Variants in MN1 observed in about 807,000 individuals in gnomAD.
The protein encoded by MN1 is transcriptional activator MN1.
In MN1, 19 loss-of-function variants were observed where a neutral mutation model predicts 86.9. That is an observed-to-expected ratio of 0.22 (90% confidence interval 0.15 to 0.32). The LOEUF (loss-of-function observed/expected upper bound fraction) is 0.32. Among genes scored for constraint, MN1 ranks in the 10% least tolerant of loss-of-function variants. MN1 has a pLI of 1.00. For missense variants in MN1, 1,841 were observed against 1,862.0 expected (o/e 0.99, Z 0.21); for synonymous variants, 928 against 849.6 (o/e 1.09, Z -1.60).
chr22:27,765,513 CG>C (rs1568973019), intron 1 of MN1, among the ~76,000 whole-genome samples: 3 of 152,224 alleles, frequency 2.0e-5, no homozygotes, highest in Non-Finnish European at 4.4e-5. Flanking sequence ...GAGACTCGAG[CG>C]GGGGCTCCCA....
At chr22:27,766,799 C>A (rs1315384976) in intron 1 of MN1, among the ~76,000 whole-genome samples, 1 of 152,080 alleles carries the variant, frequency 6.6e-6, no homozygotes, top group African/African-American at 2.4e-5. Context: ...GGCCCTACTG[C>A]CAAAGCCAGC....
intron 1 of MN1, among the ~76,000 whole-genome samples, chr22:27,765,426 A>C (rs1270373554): frequency 1.3e-5 from 2 of 151,744 alleles, no homozygotes; most frequent in African/African-American, 4.9e-5. Flanking sequence ...AAAAAAAGTC[A>C]TTCCAGAACA....
intron 1 of MN1, among the ~76,000 whole-genome samples, chr22:27,786,833 T>C (rs929104102): frequency 6.9e-6 from 1 of 145,094 alleles, no homozygotes; most frequent in African/African-American, 2.7e-5. Context: ...GGCCCATTAA[T>C]GCCCGTGCGC....
chr22:27,789,800 G>A (rs1019737664), intron 1 of MN1, among the ~76,000 whole-genome samples: 8 of 152,204 alleles, frequency 5.3e-5, no homozygotes, highest in South Asian at 2.1e-4. Flanking sequence ...GAAAAGATAC[G>A]CATGCAATCA....
intron 1 of MN1, 43 bp downstream of exon 1, chr22:27,796,720 G>T (rs777192142): frequency 4.6e-6 from 7 of 1,535,264 alleles, no homozygotes; most frequent in Middle Eastern, 2.4e-4. Context: ...TGGGGATGGG[G>T]CGGGTCACCC....
chr22:27,789,565 A>G (rs187193265), intron 1 of MN1, among the ~76,000 whole-genome samples: 10 of 152,328 alleles, frequency 6.6e-5, no homozygotes, highest in Admixed American at 5.9e-4. Flanking sequence ...CAAGATGAGA[A>G]CACGAAAACG....
At chr22:27,789,763 G>A (rs757815156) in intron 1 of MN1, among the ~76,000 whole-genome samples, 13 of 152,224 alleles carry the variant, frequency 8.5e-5, no homozygotes, top group Non-Finnish European at 1.5e-4. Flanking sequence ...AAGGGCATTT[G>A]GGTCCCTACG....
intron 1 of MN1, among the ~76,000 whole-genome samples, chr22:27,781,802 C>T (rs1005726411): frequency 6.6e-6 from 1 of 152,168 alleles, no homozygotes; most frequent in Admixed American, 6.5e-5. Context: ...GCTTGTCTGC[C>T]TCCTAAACCC....
intron 1 of MN1, among the ~76,000 whole-genome samples, chr22:27,790,196 T>C (rs1426385361): frequency 6.6e-6 from 1 of 152,214 alleles, no homozygotes; most frequent in African/African-American, 2.4e-5. Flanking sequence ...ACATGATGCC[T>C]TTCAAAAGTC....
rs58248602 is a variant in MN1, at chr22:27,769,552, A to ATTTTTTTTTTTTTTTT, written c.3782-18472_3782-18457dup. On this transcript the variant is annotated intron_variant, in intron 1 of 1. Transcript: ENST00000302326. ...CGAAGCAATAATATCAAGGATGCCA[A>ATTTTTTTTTTTTTTTT]TTTTTTTTTTTTTTTTTTGAGACAG... Among the ~76,000 whole-genome samples the ATTTTTTTTTTTTTTTT allele has an allele frequency of 4.0e-3, 336 of 83,268 alleles. 43 individuals carry two copies. The highest frequency in any genetic ancestry group is 5.0e-3 in the Non-Finnish European group (236 of 47,016). 54.6% of individuals were successfully genotyped at this position (83,268 alleles called of 152,430 possible). A position where few individuals can be genotyped will look rare whatever the true frequency, so the allele number is the denominator to read the frequency against.
intron 1 of MN1, among the ~76,000 whole-genome samples, chr22:27,796,279 A>T (rs952288442): frequency 6.6e-6 from 1 of 152,120 alleles, no homozygotes; most frequent in Admixed American, 6.5e-5. Flanking sequence ...GCTGGCACCT[A>T]AAAGAACTAG....
chr22:27,788,696 CGT>C (rs1004612252), intron 1 of MN1, among the ~76,000 whole-genome samples: 16 of 147,998 alleles, frequency 1.1e-4, no homozygotes, highest in African/African-American at 2.9e-4. Flanking sequence ...TGTGTGCACG[CGT>C]GTGTGTGTGC....
In MN1 at chr22:27,799,971, C is replaced by T. The variant is rs913878292; in HGVS notation, c.573G>A (p.Leu191=). Residue 191 remains leucine (L), a synonymous_variant, in exon 1 of 2, where the codon CTG becomes CTA. Transcript: ENST00000302326. ...CTCGGTTAGGGCTCTGGTCCAGCGG[C>T]AGGCATGGGGCCGGCACGGCGTGGC... ...ASSHAVPAPC[L]PLDQSPNRAA... is the part of the protein sequence containing the mutation. 2 of 1,603,274 alleles carry T rather than the reference C, an allele frequency of 1.2e-6. No individual in the cohort carries two copies. The highest frequency in any genetic ancestry group is 8.5e-7 in the Non-Finnish European group (1 of 1,175,876).
chr22:27,775,999 G>A (rs1601332249), intron 1 of MN1, among the ~76,000 whole-genome samples: 1 of 152,198 alleles, frequency 6.6e-6, no homozygotes. Context: ...AGAAGGGAGG[G>A]GGAGCCACAA....
intron 1 of MN1, among the ~76,000 whole-genome samples, chr22:27,774,552 A>G (rs932600658): frequency 6.6e-6 from 1 of 152,136 alleles, no homozygotes; most frequent in African/African-American, 2.4e-5. Context: ...TGATTATCAC[A>G]TGGGGTTTCT....
At chr22:27,760,937 G>A (rs1157331121) in intron 1 of MN1, among the ~76,000 whole-genome samples, 1 of 152,198 alleles carries the variant, frequency 6.6e-6, no homozygotes, top group Admixed American at 6.5e-5. Flanking sequence ...CACCCAGAGG[G>A]AGAGATGGCC....
chr22:27,760,941 G>A (rs943420769), intron 1 of MN1, among the ~76,000 whole-genome samples: 3 of 152,206 alleles, frequency 2.0e-5, no homozygotes, highest in African/African-American at 7.2e-5. Flanking sequence ...CAGAGGGAGA[G>A]ATGGCCCGAC....
chr22:27,799,102 G>C lies in MN1; in HGVS notation c.1442C>G (p.Ala481Gly). Residue 481 changes from alanine (A) to glycine (G), a missense_variant, in exon 1 of 2, where the codon GCT becomes GGT. By Grantham distance (60) the Ala-to-Gly change is moderately conservative. Coordinates refer to ENST00000302326, the MANE Select transcript of MN1 (RefSeq NM_002430.3). Reference protein sequence around the residue: ...ASWNGSMHNGALDNHLSPSAY... With the variant: ...ASWNGSMHNGGLDNHLSPSAY... ...GGAAGGGGAGAGGTGATTATCCAGA[G>C]CGCCGTTGTGCATGCTGCCGTTCCA... 1 of 1,605,174 alleles carries C rather than the reference G, an allele frequency of 6.2e-7. No individual in the cohort carries two copies.
At chr22:27,783,358 C>T (rs1050742119) in intron 1 of MN1, among the ~76,000 whole-genome samples, 3 of 152,124 alleles carry the variant, frequency 2.0e-5, no homozygotes, top group African/African-American at 7.2e-5. Flanking sequence ...TCTCGAACTC[C>T]TGACCTCAGG....
Sources: allele counts gnomAD v4.1 joint callset (sites outside exome capture counted in the v4.1 genomes callset), GRCh38; gene constraint gnomAD v4.1.1; transcripts MANE v1.5; gene names NCBI Gene and HGNC (gene_info 2026-07-23, HGNC 2026-07-21).